Variants in SNX16 observed in about 807,000 individuals in gnomAD.
SNX16 encodes the protein sorting nexin 16.
In SNX16, 35 loss-of-function variants were observed where a neutral mutation model predicts 36.7. The ratio of observed to expected loss-of-function variants is 0.95; its 90% CI spans 0.73 to 1.27. The LOEUF (loss-of-function observed/expected upper bound fraction) is 1.27, where lower values mean the gene tolerates loss of function less well. Among genes scored for constraint, SNX16 ranks in the 50% most tolerant of loss-of-function variants. SNX16 has a pLI of 0.00. For synonymous variants in SNX16, 134 were observed against 132.0 expected, an observed-to-expected ratio of 1.02 and a Z score of -0.10; for missense variants, 367 against 393.6, an observed-to-expected ratio of 0.93 and a Z score of 0.57.
At chr8:81,826,030 TTC>T (rs202051429) in intron 3 of SNX16, among the ~76,000 whole-genome samples, 1 of 140,664 alleles carries the variant, frequency 7.1e-6, no homozygotes, top group Admixed American at 7.3e-5. Flanking sequence ...GATTTTTTTT[TTC>T]CCCTTAAAAA....
At chr8:81,814,568 C>G (rs1157829847) in intron 5 of SNX16, 1 of 151,920 alleles carries the variant, frequency 6.6e-6, no homozygotes, top group Non-Finnish European at 1.5e-5. Flanking sequence ...GGTAACTGCT[C>G]TATAAATTTC....
intron 2 of SNX16, among the ~76,000 whole-genome samples, chr8:81,835,139 G>A (rs962291584): frequency 3.9e-5 from 6 of 152,228 alleles, no homozygotes; most frequent in Non-Finnish European, 8.8e-5. Flanking sequence ...AGCTGCCAAG[G>A]CTTGGGGATT....
chr8:81,806,465 T>C (rs1339986740), intron 5 of SNX16, among the ~76,000 whole-genome samples: 4 of 151,980 alleles, frequency 2.6e-5, no homozygotes, highest in Non-Finnish European at 5.9e-5. Context: ...CACACATCCC[T>C]ACAACCTCTT....
chr8:81,824,312 A>T (rs1294210485), intron 3 of SNX16, among the ~76,000 whole-genome samples: 2 of 152,098 alleles, frequency 1.3e-5, no homozygotes, highest in African/African-American at 4.8e-5. Flanking sequence ...TATGTATTAA[A>T]TTTTTTAGCA....
At chr8:81,814,453 A>C (rs1346190073) in intron 5 of SNX16, among the ~76,000 whole-genome samples, 2 of 152,036 alleles carry the variant, frequency 1.3e-5, no homozygotes, top group African/African-American at 2.4e-5. Context: ...ATGAGAGCAG[A>C]TCAGTGGTTG....
intron 1 of SNX16, chr8:81,841,877 G>A (rs1312972926): frequency 6.6e-6 from 1 of 152,172 alleles, no homozygotes; most frequent in East Asian, 2.0e-4. Flanking sequence ...CGCACTGCAG[G>A]CGGCGAGACC....
chr8:81,835,575 C>T (rs142421062), intron 2 of SNX16, among the ~76,000 whole-genome samples: 20 of 152,274 alleles, frequency 1.3e-4, no homozygotes, highest in African/African-American at 3.6e-4. Context: ...AAATTTCTTC[C>T]GCCAGATACC....
In SNX16 at chr8:81,839,941, C is replaced by G. The variant is rs756103076; in HGVS notation, c.46G>C (p.Ala16Pro). 2 of 1,613,850 alleles carry G rather than the reference C, an allele frequency of 1.2e-6. No individual in the cohort carries two copies. Among genetic ancestry groups the G allele is most frequent in the East Asian group, 4.5e-5 (2 of 44,846 alleles). The change falls in exon 2 of 8, where the codon GCT becomes CCT. Residue 16 changes from alanine (A) to proline (P), a missense_variant. Ala to Pro is a conservative substitution (Grantham distance 27). Transcript: ENST00000345957. The stretch of plus-strand genomic sequence containing the variant: ...TTTCTGTTTGTTGTAAAACTGGAAG[C>G]AGAGTTTCCTATGGGCATAGGAACT... Reference protein sequence around the residue: ...VPVPMPIGNSASSFTTNRNQR... With the variant: ...VPVPMPIGNSPSSFTTNRNQR...
At chr8:81,829,393 A>G in intron 3 of SNX16, 37 bp downstream of exon 3, 1 of 978,540 alleles carries the variant, frequency 1.0e-6, no homozygotes. Context: ...AAGAATTCAA[A>G]ACTGAAATGT....
In SNX16 at chr8:81,832,806, G is replaced by T. The variant is rs547187920; in HGVS notation, c.376-3290C>A. Among the ~76,000 whole-genome samples, 50 of 149,854 alleles carry T rather than the reference G, an allele frequency of 3.3e-4. No individual in the cohort carries two copies. In the South Asian group the frequency reaches 0.011, roughly 32 times the overall value. ...TCTCAGAGAAGCATCTAGTAGTTTT[G>T]ATACGGTATTTTGCACTAAGCTACA... On this transcript the variant is annotated intron_variant, in intron 2 of 7. Transcript: ENST00000345957.
intron 3 of SNX16, among the ~76,000 whole-genome samples, chr8:81,825,182 G>T (rs1410491585): frequency 1.3e-5 from 2 of 152,148 alleles, no homozygotes; most frequent in East Asian, 3.9e-4. Context: ...TCAAGGGGAG[G>T]GGAAATGTAT....
intron 7 of SNX16, among the ~76,000 whole-genome samples, 178 bp downstream of exon 7, chr8:81,802,202 G>A (rs1256836253): frequency 6.6e-6 from 1 of 151,532 alleles, no homozygotes; most frequent in Non-Finnish European, 1.5e-5. Context: ...TTTTTAAAGT[G>A]TTTTTATTTT....
intron 5 of SNX16, 101 bp downstream of exon 5, chr8:81,815,224 T>C: frequency 1.2e-6 from 1 of 850,446 alleles, no homozygotes. Flanking sequence ...TAGCCTGAAA[T>C]TATAATATTT....
At chr8:81,818,680 T>C (rs7833384) in intron 4 of SNX16, among the ~76,000 whole-genome samples, 114,745 of 151,996 alleles carry the variant, frequency 0.75, 43,838 homozygotes, top group African/African-American at 0.83. Context: ...TAACTTCTTG[T>C]TGTTATTCCT....
Position 81,815,317 on chromosome 8 carries a change from G to C in SNX16, c.681+8C>G. On this transcript the variant is annotated splice_region_variant and intron_variant, in intron 5 of 7. Transcript: ENST00000345957. ...CTCTTTTCATGTGCTATATAATACAGCACTTACCCTGCTTTCTTCTAGGCT... is the reference window on the plus strand; with the variant it reads ...CTCTTTTCATGTGCTATATAATACACCACTTACCCTGCTTTCTTCTAGGCT... The C allele has an allele frequency of 6.2e-7, 1 of 1,607,020 alleles. No individual in the cohort carries two copies. Among genetic ancestry groups the C allele is most frequent in the Non-Finnish European group, 8.5e-7 (1 of 1,174,746 alleles).
chr8:81,826,483 C>G (rs1478545284), intron 3 of SNX16, among the ~76,000 whole-genome samples: 2 of 152,032 alleles, frequency 1.3e-5, no homozygotes, highest in African/African-American at 4.8e-5. Context: ...TATTGAGCTT[C>G]AATTTTAAAT....
rs185633706 is a variant in SNX16 at position 81,816,731 on chromosome 8, C to T, written c.612-1337G>A. ...ATTGGATCTTCATTCACAAATGATACCGAATTTCAGAGAGGTGAAATTACT... is the reference window on the plus strand; with the variant it reads ...ATTGGATCTTCATTCACAAATGATATCGAATTTCAGAGAGGTGAAATTACT... On this transcript the variant is annotated intron_variant, in intron 4 of 7. Transcript: ENST00000345957. 5.1e-3 allele frequency among the ~76,000 whole-genome samples: 780 copies of T among 152,248 alleles called. 7 individuals are homozygous for T. Among genetic ancestry groups the T allele is most frequent in the African/African-American group, 0.018 (733 of 41,542 alleles).
At chr8:81,813,958 C>A (rs1014428647) in intron 5 of SNX16, among the ~76,000 whole-genome samples, 11 of 151,974 alleles carry the variant, frequency 7.2e-5, no homozygotes, top group African/African-American at 2.7e-4. Flanking sequence ...CTAAAACTCT[C>A]GTACAGTACA....
intron 4 of SNX16, among the ~76,000 whole-genome samples, chr8:81,819,121 C>T (rs1810620926): frequency 6.6e-6 from 1 of 151,946 alleles, no homozygotes; most frequent in African/African-American, 2.4e-5. Flanking sequence ...GAATCCCTTA[C>T]AGATAAATGA....
Sources: allele counts gnomAD v4.1 joint callset (sites outside exome capture counted in the v4.1 genomes callset), GRCh38; gene constraint gnomAD v4.1.1; transcripts MANE v1.5; gene names NCBI Gene and HGNC (gene_info 2026-07-23, HGNC 2026-07-21).